The following PSMD11 variants were observed in gnomAD, a reference collection of about 807,000 sequenced individuals.
PSMD11 encodes proteasome 26S subunit, non-ATPase 11.
In PSMD11, 5 loss-of-function variants were observed where a neutral mutation model predicts 62.3. That is an observed-to-expected ratio of 0.08 (90% CI 0.04 to 0.17). The LOEUF (loss-of-function observed/expected upper bound fraction) is 0.17. Ranked by LOEUF, PSMD11 falls within the 10% of genes least tolerant of loss-of-function variation. The pLI is 1.00. For synonymous variants in PSMD11, 191 were observed against 191.8 expected (o/e 1.00, Z 0.03); for missense variants, 310 against 512.9 (o/e 0.60, Z 3.82).
At chr17:32,457,615 G>A (rs1192901479) in intron 3 of PSMD11, among the ~76,000 whole-genome samples, 1 of 151,988 alleles carries the variant, frequency 6.6e-6, no homozygotes, top group Non-Finnish European at 1.5e-5. Flanking sequence ...GACCTCTTTT[G>A]GTAATTTTTG....
At chr17:32,467,650 C>A (rs899946828) in intron 5 of PSMD11, among the ~76,000 whole-genome samples, 2 of 152,152 alleles carry the variant, frequency 1.3e-5, no homozygotes, top group South Asian at 4.1e-4. Flanking sequence ...CTCTGTCACC[C>A]AACCTGGATG....
At chr17:32,460,980 TC>T (rs1260680708) in intron 3 of PSMD11, among the ~76,000 whole-genome samples, 2 of 152,132 alleles carry the variant, frequency 1.3e-5, no homozygotes, top group Non-Finnish European at 2.9e-5. Flanking sequence ...TGAACCAGAC[TC>T]TTGCCAAATA....
At chr17:32,459,121 T>C (rs1484635957) in intron 3 of PSMD11, among the ~76,000 whole-genome samples, 4 of 141,316 alleles carry the variant, frequency 2.8e-5, no homozygotes, top group African/African-American at 5.3e-5. Flanking sequence ...AATACATATA[T>C]ATATATATAT....
intron 5 of PSMD11, among the ~76,000 whole-genome samples, chr17:32,465,438 G>T (rs1441124307): frequency 6.6e-6 from 1 of 151,898 alleles, no homozygotes; most frequent in East Asian, 1.9e-4. Context: ...TGAGTGGGTA[G>T]ATCTGGACTA....
At chr17:32,472,254 G>T (rs1908185095) in intron 6 of PSMD11, among the ~76,000 whole-genome samples, 1 of 148,202 alleles carries the variant, frequency 6.7e-6, no homozygotes, top group South Asian at 2.2e-4. Context: ...ACAGTGTCTT[G>T]CTCTGTTGCC....
chr17:32,448,674 A>G (rs1372072397), intron 2 of PSMD11, among the ~76,000 whole-genome samples: 1 of 152,158 alleles, frequency 6.6e-6, no homozygotes, highest in Non-Finnish European at 1.5e-5. Flanking sequence ...CACCTGGCCA[A>G]GTGGTTACTC....
chr17:32,471,011 G>T (rs951306188), intron 6 of PSMD11, among the ~76,000 whole-genome samples: 10 of 152,112 alleles, frequency 6.6e-5, no homozygotes, highest in African/African-American at 2.2e-4. Context: ...TGAGTTCTTT[G>T]GATCATGTGT....
intron 2 of PSMD11, among the ~76,000 whole-genome samples, chr17:32,454,221 A>G (rs1907584588): frequency 6.6e-6 from 1 of 152,242 alleles, no homozygotes; most frequent in East Asian, 1.9e-4. Context: ...TTTCATTAAG[A>G]TGGATAAATG....
Position 32,464,266 on chromosome 17 carries a change from A to G in PSMD11, c.390+146A>G, listed in dbSNP as rs1907926664. 16 of 860,676 alleles carry G rather than the reference A, an allele frequency of 1.9e-5. No individual in the cohort carries two copies. The Admixed American group carries it at 2.0e-4, about 11-fold the overall frequency. 53.3% of individuals were successfully genotyped at this position (860,676 alleles called of 1,614,324 possible). On this transcript the variant is annotated intron_variant, in intron 4 of 13. Transcript: ENST00000261712. ...ATTATTGATGGTAGCCCCACTTATG[A>G]TAATTGCTCTGATTGAAGTTTTGAG...
At chr17:32,473,491 T>C (rs1487863842) in intron 6 of PSMD11, among the ~76,000 whole-genome samples, 1 of 151,796 alleles carries the variant, frequency 6.6e-6, no homozygotes, top group Non-Finnish European at 1.5e-5. Context: ...TGTTGGTCAG[T>C]CTGATCTTGA....
intron 2 of PSMD11, among the ~76,000 whole-genome samples, chr17:32,453,166 C>G (rs745762530): frequency 6.6e-6 from 1 of 152,092 alleles, no homozygotes; most frequent in South Asian, 2.1e-4. Flanking sequence ...TTGCTTCAGA[C>G]TACTTTTAAA....
intron 6 of PSMD11, among the ~76,000 whole-genome samples, chr17:32,472,921 C>T (rs1015176379): frequency 3.3e-5 from 5 of 150,352 alleles, no homozygotes; most frequent in African/African-American, 7.3e-5. Context: ...TTTGGGAAGC[C>T]GAGGCGGGTG....
chr17:32,455,871 C>T (rs545550671), intron 3 of PSMD11, among the ~76,000 whole-genome samples: 2 of 152,130 alleles, frequency 1.3e-5, no homozygotes, highest in South Asian at 2.1e-4. Context: ...AGTCCGGGTG[C>T]GGTGGCTCAC....
rs747874627 is a variant in PSMD11, at chr17:32,468,951, A to C, written c.449-48A>C. 9.9e-6 allele frequency: 15 copies of C among 1,513,644 alleles called. No homozygotes were observed. In the South Asian group the frequency reaches 1.9e-4, roughly 19 times the overall value. The allele number at this position is 1,513,644 out of a possible 1,614,324, so 93.8% of individuals were successfully genotyped here. On this transcript the variant is annotated intron_variant, in intron 5 of 13. Coordinates refer to ENST00000261712, the MANE Select transcript of PSMD11 (RefSeq NM_002815.4). ...GAGGGTGGGAGAGTGAGCTATTATT[A>C]GGTATTAAGCTGATGGCTATAAAGG...
intron 12 of PSMD11, 109 bp downstream of exon 12, chr17:32,480,306 G>T (rs368897614): frequency 6.6e-7 from 1 of 1,505,684 alleles, no homozygotes; most frequent in South Asian, 1.1e-5. Flanking sequence ...GTTCACCCTG[G>T]GGTCCTGGCC....
rs912060769 is a variant in PSMD11, at chr17:32,457,863, C to T, written c.318+3244C>T. Among the ~76,000 whole-genome samples, 4 of 150,696 alleles carry T rather than the reference C, an allele frequency of 2.7e-5. No individual in the cohort carries two copies. The East Asian group carries it at 5.8e-4, about 22-fold the overall frequency. On this transcript the variant is annotated intron_variant, in intron 3 of 13. Coordinates refer to ENST00000261712, the MANE Select transcript of PSMD11 (RefSeq NM_002815.4). ...TCACCCAGGCTGGAGTGCAGTGTTG[C>T]GATCTTGGCTCACTGCAACCTCTGC...
rs745312555 is a variant in PSMD11 at position 32,480,187 on chromosome 17, G to A, written c.1116G>A (p.Lys372=). Residue 372 remains lysine (K), a synonymous_variant, in exon 12 of 14, where the codon AAG becomes AAA. Transcript: ENST00000261712. Reference sequence around the variant, plus strand: ...AATTATCACAGATGATTCTTGACAAGAAATTTCATGGTAAGTAACAGTCAC... The same window carrying A: ...AATTATCACAGATGATTCTTGACAAAAAATTTCATGGTAAGTAACAGTCAC... ...ERKLSQMILD[K]KFHGILDQGE... 1.9e-6 allele frequency: 3 copies of A among 1,613,628 alleles called. No homozygotes were observed. The South Asian group carries it at 3.3e-5, about 18-fold the overall frequency.
rs1275581015 is a variant in PSMD11, at chr17:32,482,055, C to T, written c.*1303C>T. On this transcript the variant is annotated 3_prime_UTR_variant, in exon 14 of 14. Transcript: ENST00000261712. ...TCTCCTCTTTGTCTTTTTCTCTTTT[C>T]CTCTCCTTCCTGCCTTCTTCTGCTG... The T allele has an allele frequency of 1.3e-5, 2 of 150,728 alleles. No individual in the cohort carries two copies. The highest frequency in any genetic ancestry group is 2.4e-5 in the African/African-American group (1 of 40,924). The allele number at this position is 150,728 out of a possible 1,614,324, so 9.3% of individuals were successfully genotyped here.
intron 9 of PSMD11, among the ~76,000 whole-genome samples, chr17:32,478,194 CCT>C (rs1198053500): frequency 2.0e-5 from 3 of 152,146 alleles, no homozygotes; most frequent in African/African-American, 7.2e-5. Flanking sequence ...CTTTCCTGAA[CCT>C]CTCTCCTTTT....
Sources: gnomAD v4.1 joint callset for allele counts (sites outside exome capture counted in the v4.1 genomes callset) on GRCh38, gnomAD v4.1.1 for gene constraint, MANE v1.5 for transcripts, NCBI Gene and HGNC (gene_info 2026-07-23, HGNC 2026-07-21) for gene names.